Variants in TNFRSF1B observed in about 807,000 individuals in gnomAD.
TNFRSF1B encodes TNF receptor superfamily member 1B, also known as tumor necrosis factor receptor superfamily member 1B.
In TNFRSF1B, 19 loss-of-function variants were observed where a neutral mutation model predicts 44.6. The ratio of observed to expected loss-of-function variants is 0.43; its 90% confidence interval spans 0.30 to 0.62. TNFRSF1B has a LOEUF of 0.62. Among genes scored for constraint, TNFRSF1B ranks in the 20% least tolerant of loss-of-function variants. The pLI, the probability that TNFRSF1B is intolerant of heterozygous loss-of-function variation, is 0.16. For missense variants in TNFRSF1B, 541 were observed against 619.9 expected (o/e 0.87, Z 1.35); for synonymous variants, 252 against 261.1 (o/e 0.97, Z 0.34).
intron 1 of TNFRSF1B, among the ~76,000 whole-genome samples, chr1:12,174,160 TCTTCTCCTTCTC>T (rs1197180713): frequency 1.7e-3 from 118 of 67,800 alleles, no homozygotes; most frequent in Non-Finnish European, 2.0e-3. Context: ...TTCTTCTTCT[TCTTCTCCTTCTC>T]CTTCTCCTTC....
rs1557629146 is a variant in TNFRSF1B, at chr1:12,183,727, A to ATCTAT, written c.79-5068_79-5064dup. Among the ~76,000 whole-genome samples, 23 of 121,148 alleles carry ATCTAT rather than the reference A, an allele frequency of 1.9e-4. 1 individual carries two copies. The highest frequency in any genetic ancestry group is 6.7e-4 in the African/African-American group (23 of 34,176). The allele number at this position is 121,148 out of a possible 152,430, so 79.5% of individuals were successfully genotyped here. On this transcript the variant is annotated intron_variant, in intron 1 of 9. Transcript: ENST00000376259. ...ATCTATCTATTCTATCTACCTATCT[A>ATCTAT]TCTATCTATCTATCTATCTATCTAG...
chr1:12,183,656 T>TC (rs1638865558), intron 1 of TNFRSF1B, among the ~76,000 whole-genome samples: 2 of 125,280 alleles, frequency 1.6e-5, no homozygotes, highest in African/African-American at 6.3e-5. Context: ...TTTATCTATT[T>TC]TATCTATCTA....
At chr1:12,175,200 GC>G (rs1638626529) in intron 1 of TNFRSF1B, among the ~76,000 whole-genome samples, 1 of 152,246 alleles carries the variant, frequency 6.6e-6, no homozygotes, top group South Asian at 2.1e-4. Flanking sequence ...AGTGGGCGGG[GC>G]CTGGGGCTGG....
At chr1:12,195,646 G>A (rs571710018) in intron 8 of TNFRSF1B, among the ~76,000 whole-genome samples, 123 of 152,286 alleles carry the variant, frequency 8.1e-4, no homozygotes, top group African/African-American at 2.7e-3. Flanking sequence ...CCCTAGCTGC[G>A]AGGGAAGCTG....
rs1638710315 is a variant in TNFRSF1B, at chr1:12,178,399, C to T, written c.79-10397C>T. Reference sequence around the variant, plus strand: ...ATCATAAAGCCCTGTGAAGGGGGCACTGTTTCTGTCGCCATTTTATAGATG... The same window carrying T: ...ATCATAAAGCCCTGTGAAGGGGGCATTGTTTCTGTCGCCATTTTATAGATG... On this transcript the variant is annotated intron_variant, in intron 1 of 9. Coordinates refer to ENST00000376259, the MANE Select transcript of TNFRSF1B (RefSeq NM_001066.3). This position sits in a 1 kb window ranked among gnomAD's most constrained non-coding sequence, Gnocchi z 4.3. 6.6e-6 allele frequency among the ~76,000 whole-genome samples: 1 copy of T among 152,124 alleles called. No homozygotes were observed. The highest frequency in any genetic ancestry group is 1.5e-5 in the Non-Finnish European group (1 of 68,026).
At chr1:12,202,619 C>T (rs5746055) in intron 9 of TNFRSF1B, among the ~76,000 whole-genome samples, 1,785 of 152,324 alleles carry the variant, frequency 0.012, 31 homozygotes, top group African/African-American at 0.04. Flanking sequence ...AGGCCCAACA[C>T]GGCCCAGCTA....
At position 12,199,111 on chromosome 1, in the gene TNFRSF1B, G is replaced by A. The variant is rs1639334084; in HGVS notation, c.901-2856G>A. 6.6e-6 allele frequency among the ~76,000 whole-genome samples: 1 copy of A among 152,176 alleles called. No individual in the cohort carries two copies. Among genetic ancestry groups the A allele is most frequent in the Non-Finnish European group, 1.5e-5 (1 of 68,022 alleles). On this transcript the variant is annotated intron_variant, in intron 8 of 9. Coordinates refer to ENST00000376259, the MANE Select transcript of TNFRSF1B (RefSeq NM_001066.3). The surrounding 1 kb of genome is among the most constrained non-coding windows in gnomAD (Gnocchi z 4.0). The stretch of plus-strand genomic sequence containing the variant: ...TGGGGCTGCTTGAACTTTGCGACTT[G>A]TGGCTTGGGAGGAGGGAGGTGGCCG...
intron 9 of TNFRSF1B, 49 bp from the exon 10 acceptor site, chr1:12,206,674 GCAGGGGTCCCTGGGCCC>G: frequency 6.8e-7 from 1 of 1,477,220 alleles, no homozygotes; most frequent in Non-Finnish European, 9.1e-7. Context: ...TGCATCTTGG[GCAGGGGTCCCTGGGCCC>G]CACTCCTGGA....
At chr1:12,170,878 A>G (rs1016660154) in intron 1 of TNFRSF1B, among the ~76,000 whole-genome samples, 2 of 149,064 alleles carry the variant, frequency 1.3e-5, no homozygotes, top group Non-Finnish European at 3.0e-5. Context: ...GTTTCACCAT[A>G]TTGCCCAGGA....
In TNFRSF1B at chr1:12,191,051, C is replaced by T; in HGVS notation, c.273C>T (p.Pro91=). 11 of 1,614,146 alleles carry T rather than the reference C, an allele frequency of 6.8e-6. No homozygotes were observed. The highest frequency in any genetic ancestry group is 2.2e-5 in the East Asian group (1 of 44,886). The part of the protein sequence containing the change: ...STYTQLWNWV[P]ECLSCGSRCS... ...ACACCCAGCTCTGGAACTGGGTTCC[C>T]GAGTGCTTGAGCTGTGGCTCCCGCT... Residue 91 remains proline (P), a synonymous_variant, in exon 3 of 10, where the codon CCC becomes CCT. Transcript: ENST00000376259.
rs963804489 is a variant in TNFRSF1B, at chr1:12,178,306, C to T, written c.79-10490C>T. 2.6e-5 allele frequency among the ~76,000 whole-genome samples: 4 copies of T among 152,158 alleles called. No homozygotes were observed. Among genetic ancestry groups the T allele is most frequent in the East Asian group, 1.9e-4 (1 of 5,206 alleles). On this transcript the variant is annotated intron_variant, in intron 1 of 9. Coordinates refer to ENST00000376259, the MANE Select transcript of TNFRSF1B (RefSeq NM_001066.3). The surrounding 1 kb of genome is among the most constrained non-coding windows in gnomAD (Gnocchi z 4.3). ...TGTAGGGTGATGAGTAGCAGAAGCA[C>T]GGGTGACACTGAGCTCTTTCCACTG...
intron 9 of TNFRSF1B, among the ~76,000 whole-genome samples, chr1:12,204,392 C>A (rs947308138): frequency 2.6e-5 from 4 of 152,176 alleles, no homozygotes; most frequent in Non-Finnish European, 1.5e-5. Flanking sequence ...CCTCCTCCCC[C>A]ACCACATGCT....
chr1:12,202,782 G>A (rs376716385), intron 9 of TNFRSF1B, among the ~76,000 whole-genome samples: 1 of 152,244 alleles, frequency 6.6e-6, no homozygotes, highest in East Asian at 1.9e-4. Context: ...AGGAAACTGA[G>A]CCCCAGAGAG....
At chr1:12,170,017 G>A (rs888658036) in intron 1 of TNFRSF1B, among the ~76,000 whole-genome samples, 3 of 152,186 alleles carry the variant, frequency 2.0e-5, no homozygotes, top group African/African-American at 7.2e-5. Context: ...GTACCTGCTG[G>A]CCCTGGGGGC....
At chr1:12,200,901 A>G (rs896557346) in intron 8 of TNFRSF1B, among the ~76,000 whole-genome samples, 7 of 152,198 alleles carry the variant, frequency 4.6e-5, no homozygotes, top group Admixed American at 1.3e-4. Context: ...GATTACAGGC[A>G]TGAGCCACCA....
chr1:12,201,945 C>T (rs1557640190), intron 8 of TNFRSF1B, 22 bp from the exon 9 acceptor site: 1 of 1,584,066 alleles, frequency 6.3e-7, no homozygotes, highest in East Asian at 2.3e-5. Context: ...CTGCTCTCCC[C>T]TACCACCCCC....
At chr1:12,200,715 C>T (rs1304268489) in intron 8 of TNFRSF1B, among the ~76,000 whole-genome samples, 12 of 152,120 alleles carry the variant, frequency 7.9e-5, no homozygotes, top group African/African-American at 2.9e-4. Flanking sequence ...CTCTGCCTCC[C>T]AGGTTCAAGC....
chr1:12,183,744 T>TAGCTAG (rs1638896396), intron 1 of TNFRSF1B, among the ~76,000 whole-genome samples: 9 of 103,856 alleles, frequency 8.7e-5, no homozygotes, highest in East Asian at 2.4e-4. Flanking sequence ...TATCTATCTA[T>TAGCTAG]CTATCTAGCT....
chr1:12,169,041 C>T lies in TNFRSF1B; in HGVS notation c.78+1872C>T, dbSNP rs1028084530. On this transcript the variant is annotated intron_variant, in intron 1 of 9. Coordinates refer to ENST00000376259, the MANE Select transcript of TNFRSF1B (RefSeq NM_001066.3). The surrounding 1 kb of genome is among the most constrained non-coding windows in gnomAD (Gnocchi z 4.5). Reference sequence around the variant, plus strand: ...ATTGTGCAAAAAGCATTGTCCGTGCCATCCCCTCTCCAAGGGACACTTCTT... The same window carrying T: ...ATTGTGCAAAAAGCATTGTCCGTGCTATCCCCTCTCCAAGGGACACTTCTT... Among the ~76,000 whole-genome samples the T allele has an allele frequency of 6.6e-6, 1 of 152,212 alleles. No homozygotes were observed. Among genetic ancestry groups the T allele is most frequent in the African/African-American group, 2.4e-5 (1 of 41,450 alleles).
Sources: gnomAD v4.1 joint callset for allele counts (sites outside exome capture counted in the v4.1 genomes callset) on GRCh38, gnomAD v4.1.1 for gene constraint, Gnocchi (gnomAD v3.1) non-coding constraint, MANE v1.5 for transcripts, NCBI Gene and HGNC (gene_info 2026-07-23, HGNC 2026-07-21) for gene names.